TTL: variants seen among roughly 807,000 people sequenced by gnomAD.
TTL encodes tubulin tyrosine ligase.
In TTL, 10 loss-of-function variants were observed where a neutral mutation model predicts 41.1. The ratio of observed to expected loss-of-function variants is 0.24; its 90% CI spans 0.15 to 0.41. The LOEUF is 0.41. Ranked by LOEUF, TTL falls within the 10% of genes least tolerant of loss-of-function variation. The pLI, the probability that TTL is intolerant of heterozygous loss-of-function variation, is 1.00. For missense variants in TTL, 367 were observed against 460.4 expected (o/e 0.80, Z 1.86); for synonymous variants, 175 against 175.5 (o/e 1.00, Z 0.02).
intron 3 of TTL, among the ~76,000 whole-genome samples, chr2:112,496,701 G>A (rs1263532143): frequency 2.1e-4 from 25 of 120,866 alleles, no homozygotes; most frequent in Non-Finnish European, 3.8e-4. Flanking sequence ...GTGTGTGTGT[G>A]TGTGTGTATT....
Position 112,486,682 on chromosome 2 carries a change from G to C in TTL, c.236+687G>C, listed in dbSNP as rs113382804. Among the ~76,000 whole-genome samples the C allele has an allele frequency of 3.8e-3, 574 of 152,298 alleles. 4 individuals are homozygous for C. The highest frequency in any genetic ancestry group is 0.013 in the African/African-American group (552 of 41,556). Reference sequence around the variant, plus strand: ...ACGATTAAGATCTAGGGTGAAAAGTGTAAGTGTTCACCCCAGCTCCTTCTC... The same window carrying C: ...ACGATTAAGATCTAGGGTGAAAAGTCTAAGTGTTCACCCCAGCTCCTTCTC... On this transcript the variant is annotated intron_variant, in intron 2 of 6. Transcript: ENST00000233336.
chr2:112,483,853 T>TATGG (rs1681161973), intron 1 of TTL: 1 of 152,224 alleles, frequency 6.6e-6, no homozygotes, highest in African/African-American at 2.4e-5. Context: ...AATCTTAGAA[T>TATGG]ATGGAGACTG....
At position 112,540,419 on chromosome 2, in the gene TTL, A is replaced by T. The variant is rs112048272; in HGVS notation, c.*11624A>T. The T allele has an allele frequency of 1.2e-5, 1 of 82,402 alleles. No homozygotes were observed. Among genetic ancestry groups the T allele is most frequent in the South Asian group, 9.5e-4 (1 of 1,048 alleles). The allele number at this position is 82,402 out of a possible 1,614,324, so 5.1% of individuals were successfully genotyped here. A position where few individuals can be genotyped will look rare whatever the true frequency, so the allele number is the denominator to read the frequency against. On this transcript the variant is annotated 3_prime_UTR_variant, in exon 7 of 7. Transcript: ENST00000233336. Reference sequence around the variant, plus strand: ...AGCAACAAGAGCAAAACTCTGTCTCAAAAAAACAAAAAACAAAAAAAAAAA... The same window carrying T: ...AGCAACAAGAGCAAAACTCTGTCTCTAAAAAACAAAAAACAAAAAAAAAAA...
intron 5 of TTL, among the ~76,000 whole-genome samples, chr2:112,510,371 C>G (rs917604728): frequency 1.3e-5 from 2 of 152,112 alleles, no homozygotes; most frequent in African/African-American, 4.8e-5. Flanking sequence ...TCAAGCAGCC[C>G]TCCCATCTTG....
chr2:112,515,069 ATTTG>A (rs1682030266), intron 5 of TTL, among the ~76,000 whole-genome samples: 1 of 152,050 alleles, frequency 6.6e-6, no homozygotes, highest in Admixed American at 6.5e-5. Context: ...TGAAATTTAT[ATTTG>A]TTTCTTTTTT....
intron 3 of TTL, 126 bp downstream of exon 3, chr2:112,494,501 A>ACTG: frequency 1.4e-6 from 1 of 729,726 alleles, no homozygotes; most frequent in South Asian, 1.9e-5. Context: ...CATAGTTATA[A>ACTG]ATACCCATCT....
Position 112,536,244 on chromosome 2 carries a change from T to TC in TTL, c.*7449_*7450insC, listed in dbSNP as rs1481894200. ...GCAGATATCTCTCCAAAAAAAATTT[T>TC]TTTTTTTTTAGAGATAGGGTCGTAC... On this transcript the variant is annotated 3_prime_UTR_variant, in exon 7 of 7. Transcript: ENST00000233336. 6.6e-6 allele frequency: 1 copy of TC among 152,148 alleles called. No individual in the cohort carries two copies. The highest frequency in any genetic ancestry group is 1.9e-4 in the East Asian group (1 of 5,196). 9.4% of individuals were successfully genotyped at this position (152,148 alleles called of 1,614,324 possible).
chr2:112,503,778 ACTT>A (rs1681764446), intron 5 of TTL, among the ~76,000 whole-genome samples: 1 of 119,836 alleles, frequency 8.3e-6, no homozygotes, highest in Admixed American at 8.8e-5. Context: ...ATGTCAGTCT[ACTT>A]CTCATTCTTT....
At chr2:112,511,965 T>A (rs2104465683) in intron 5 of TTL, among the ~76,000 whole-genome samples, 1 of 149,724 alleles carries the variant, frequency 6.7e-6, no homozygotes, top group South Asian at 2.1e-4. Flanking sequence ...TGGAGTATGT[T>A]TCCATCCTTT....
chr2:112,527,532 T>TC (rs1271763236), intron 6 of TTL, among the ~76,000 whole-genome samples: 1 of 152,348 alleles, frequency 6.6e-6, no homozygotes, highest in African/African-American at 2.4e-5. Flanking sequence ...GATAGTTAGC[T>TC]CTTTTGTTGA....
At position 112,482,504 on chromosome 2, in the gene TTL, G is replaced by A; in HGVS notation, c.157+3G>A. 6.2e-7 allele frequency: 1 copy of A among 1,601,152 alleles called. No individual in the cohort carries two copies. Among genetic ancestry groups the A allele is most frequent in the Non-Finnish European group, 8.5e-7 (1 of 1,173,530 alleles). On this transcript the variant is annotated splice_donor_region_variant and intron_variant, in intron 1 of 6. Coordinates refer to ENST00000233336, the MANE Select transcript of TTL (RefSeq NM_153712.5). The surrounding 1 kb of genome is among the most constrained non-coding windows in gnomAD (Gnocchi z 5.3). ...TCGGCTGCCCTTCGGGAGACTGGGTGAGCCCCTCCCCGATTCCCGTCTGCC... is the reference window on the plus strand; with the variant it reads ...TCGGCTGCCCTTCGGGAGACTGGGTAAGCCCCTCCCCGATTCCCGTCTGCC...
At chr2:112,509,965 A>G (rs1376807072) in intron 5 of TTL, among the ~76,000 whole-genome samples, 1 of 152,148 alleles carries the variant, frequency 6.6e-6, no homozygotes, top group Non-Finnish European at 1.5e-5. Flanking sequence ...TTGCTTGGAC[A>G]GATTGACTAA....
In TTL at chr2:112,494,241, C is replaced by A; in HGVS notation, c.335C>A (p.Ala112Glu). 2 of 1,614,136 alleles carry A rather than the reference C, an allele frequency of 1.2e-6. No individual in the cohort carries two copies. The highest frequency in any genetic ancestry group is 1.1e-5 in the South Asian group (1 of 91,076). The change falls in exon 3 of 7, where the codon GCA becomes GAA. Residue 112 changes from alanine (A) to glutamate (E), a missense_variant. Ala to Glu is a moderately radical substitution (Grantham distance 107). Transcript: ENST00000233336. ...AATCTCAAGACTCCAGTTGCTCCAG[C>A]ACAGAATGGAATTCAGCCACCAATC... ...PTNLKTPVAP[A>E]QNGIQPPISN...
chr2:112,532,091 C>T lies in TTL; in HGVS notation c.*3296C>T, dbSNP rs1436389502. Reference sequence around the variant, plus strand: ...AGCTCTGTGGGATGATTGCCACATACATGGAACACCTGGGAGTGCTGGAAA... The same window carrying T: ...AGCTCTGTGGGATGATTGCCACATATATGGAACACCTGGGAGTGCTGGAAA... On this transcript the variant is annotated 3_prime_UTR_variant, in exon 7 of 7. Coordinates refer to ENST00000233336, the MANE Select transcript of TTL (RefSeq NM_153712.5). The T allele has an allele frequency of 1.3e-5, 3 of 227,092 alleles. No homozygotes were observed. The highest frequency in any genetic ancestry group is 4.4e-5 in the African/African-American group (2 of 44,966). 14.1% of individuals were successfully genotyped at this position (227,092 alleles called of 1,614,324 possible).
rs990953586 is a variant in TTL at position 112,534,658 on chromosome 2, T to C, written c.*5863T>C. 6.6e-6 allele frequency: 1 copy of C among 152,148 alleles called. No individual in the cohort carries two copies. The highest frequency in any genetic ancestry group is 2.4e-5 in the African/African-American group (1 of 41,422). The allele number at this position is 152,148 out of a possible 1,614,324, so 9.4% of individuals were successfully genotyped here. A position where few individuals can be genotyped will look rare whatever the true frequency, so the allele number is the denominator to read the frequency against. On this transcript the variant is annotated 3_prime_UTR_variant, in exon 7 of 7. Coordinates refer to ENST00000233336, the MANE Select transcript of TTL (RefSeq NM_153712.5). ...CCCTGGGTGCATTTGTCAAAAAAAA[T>C]CAACAGCAATTGTTGAACATCTCAG... is the stretch of plus-strand genomic sequence containing the variant.
chr2:112,522,301 C>G (rs1682260396), intron 6 of TTL: 1 of 152,576 alleles, frequency 6.6e-6, no homozygotes, highest in African/African-American at 2.4e-5. Context: ...CAGGCTGGCT[C>G]CCATCCTGAT....
intron 3 of TTL, among the ~76,000 whole-genome samples, 173 bp from the exon 4 acceptor site, chr2:112,501,033 C>T (rs1640691027): frequency 6.8e-6 from 1 of 147,784 alleles, no homozygotes; most frequent in South Asian, 2.2e-4. Flanking sequence ...CCTGGGTGCT[C>T]TTGAGGGGAG....
intron 6 of TTL, chr2:112,521,101 T>TG (rs1399179696): frequency 2.3e-6 from 2 of 852,066 alleles, no homozygotes; most frequent in Middle Eastern, 5.9e-4. Flanking sequence ...ATCTTAGACA[T>TG]GGGGGGTCTG....
chr2:112,514,735 G>A (rs935984934), intron 5 of TTL, among the ~76,000 whole-genome samples: 4 of 152,070 alleles, frequency 2.6e-5, no homozygotes, highest in Admixed American at 6.6e-5. Flanking sequence ...TTCTTGCACC[G>A]TGGCTTGATA....
Sources: gnomAD v4.1 joint callset for allele counts (sites outside exome capture counted in the v4.1 genomes callset) on GRCh38, gnomAD v4.1.1 for gene constraint, Gnocchi (gnomAD v3.1) non-coding constraint, MANE v1.5 for transcripts, NCBI Gene and HGNC (gene_info 2026-07-23, HGNC 2026-07-21) for gene names.